Variants in FAM117B observed in about 807,000 individuals in gnomAD.
FAM117B encodes protein FAM117B.
FAM117B carries 22 observed loss-of-function variants against 52.8 expected under a neutral mutation model. The ratio of observed to expected loss-of-function variants is 0.42; its 90% CI spans 0.30 to 0.59. The LOEUF (loss-of-function observed/expected upper bound fraction) is 0.59, where lower values mean the gene tolerates loss of function less well. Ranked by LOEUF, FAM117B falls within the 20% of genes least tolerant of loss-of-function variation. The pLI, the probability that FAM117B is intolerant of heterozygous loss-of-function variation, is 0.22. For missense variants in FAM117B, 678 were observed against 802.6 expected (o/e 0.84, Z 1.88); for synonymous variants, 309 against 324.1 (o/e 0.95, Z 0.50).
intron 7 of FAM117B, 86 bp from the exon 8 acceptor site, chr2:202,765,360 A>G: frequency 1.5e-6 from 2 of 1,298,672 alleles, no homozygotes; most frequent in South Asian, 1.5e-5. Context: ...TTTAAAAAAT[A>G]AAAGAGCTTG....
rs1689830686 is a variant in FAM117B at position 202,644,362 on chromosome 2, A to C, written c.601+8574A>C. Among the ~76,000 whole-genome samples, 5 of 152,264 alleles carry C rather than the reference A, an allele frequency of 3.3e-5. No homozygotes were observed. In the South Asian group the frequency reaches 8.3e-4, roughly 25 times the overall value. On this transcript the variant is annotated intron_variant, in intron 1 of 7. Transcript: ENST00000392238. Reference sequence around the variant, plus strand: ...TGTACCTATCACAAATTTATCCCTAAGAAAGTTTTGATAATGGAAACTTCC... The same window carrying C: ...TGTACCTATCACAAATTTATCCCTACGAAAGTTTTGATAATGGAAACTTCC...
intron 2 of FAM117B, among the ~76,000 whole-genome samples, chr2:202,711,011 C>G (rs2105782107): frequency 6.6e-6 from 1 of 152,214 alleles, no homozygotes; most frequent in East Asian, 1.9e-4. Context: ...CAGTTTTGCA[C>G]TAAACATGGG....
chr2:202,657,114 A>G (rs1690066972), intron 1 of FAM117B, among the ~76,000 whole-genome samples: 1 of 151,982 alleles, frequency 6.6e-6, no homozygotes, highest in African/African-American at 2.4e-5. Flanking sequence ...TTGAGATAAC[A>G]GTTTCCTCTG....
intron 4 of FAM117B, among the ~76,000 whole-genome samples, chr2:202,752,147 A>G (rs1216210447): frequency 6.6e-6 from 1 of 152,206 alleles, no homozygotes; most frequent in African/African-American, 2.4e-5. Flanking sequence ...AAAATACATA[A>G]TAGGGAAAAT....
intron 1 of FAM117B, among the ~76,000 whole-genome samples, chr2:202,682,812 A>T (rs1052814281): frequency 4.6e-5 from 7 of 152,214 alleles, no homozygotes; most frequent in African/African-American, 1.7e-4. Context: ...TGGGTCAAAG[A>T]AGAAGTTGCA....
chr2:202,750,994 G>T (rs1691712521), intron 4 of FAM117B, among the ~76,000 whole-genome samples: 1 of 152,052 alleles, frequency 6.6e-6, no homozygotes, highest in Non-Finnish European at 1.5e-5. Flanking sequence ...GAGAAATTAG[G>T]TGTGTAGGTT....
chr2:202,714,438 C>A (rs1574565986), intron 2 of FAM117B, among the ~76,000 whole-genome samples: 2 of 151,716 alleles, frequency 1.3e-5, no homozygotes, highest in Non-Finnish European at 1.5e-5. Context: ...TATTGGGGTC[C>A]ATCTCTATTT....
In FAM117B at chr2:202,710,332, T is replaced by A. The variant is rs562201325; in HGVS notation, c.753+14300T>A. Among the ~76,000 whole-genome samples, 11 of 152,316 alleles carry A rather than the reference T, an allele frequency of 7.2e-5. No individual in the cohort carries two copies. The South Asian group carries it at 2.3e-3, about 32-fold the overall frequency. ...TTTTAGTTTTCTGTATATAAGTCTTTCACTTCCTTAGTTATGATTATTCTT... is the reference window on the plus strand; with the variant it reads ...TTTTAGTTTTCTGTATATAAGTCTTACACTTCCTTAGTTATGATTATTCTT... On this transcript the variant is annotated intron_variant, in intron 2 of 7. Transcript: ENST00000392238.
intron 2 of FAM117B, among the ~76,000 whole-genome samples, chr2:202,699,426 CAAAAAAAAAAAAAAAAAAAAAAGAAA>C (rs1205403272): frequency 4.0e-3 from 72 of 17,906 alleles, no homozygotes; most frequent in African/African-American, 0.011. Flanking sequence ...GACCCCATCT[CAAAAAAAAAAAAAAAAAAAAAAGAAA>C]AAAAAAAAAA....
In FAM117B at chr2:202,635,055, C is replaced by T; in HGVS notation, c.-133C>T. 1 of 1,200,648 alleles carries T rather than the reference C, an allele frequency of 8.3e-7. No individual in the cohort carries two copies. Among genetic ancestry groups the T allele is most frequent in the East Asian group, 3.2e-5 (1 of 31,596 alleles). The allele number at this position is 1,200,648 out of a possible 1,614,324, so 74.4% of individuals were successfully genotyped here. A position where few individuals can be genotyped will look rare whatever the true frequency, so the allele number is the denominator to read the frequency against. ...TTGCTGCCTGCCCCGGCCCGGTCTC[C>T]CCCTGCACCCCGGAGTCCGGCTTCG... On this transcript the variant is annotated 5_prime_UTR_variant, in exon 1 of 8. Transcript: ENST00000392238.
chr2:202,713,701 T>G (rs1194901715), intron 2 of FAM117B, among the ~76,000 whole-genome samples: 1 of 152,172 alleles, frequency 6.6e-6, no homozygotes, highest in Non-Finnish European at 1.5e-5. Flanking sequence ...GATTTTGGTA[T>G]GTTGTGTTTC....
At position 202,726,343 on chromosome 2, in the gene FAM117B, G is replaced by A. The variant is rs770074886; in HGVS notation, c.940G>A (p.Ala314Thr). The change falls in exon 4 of 8, where the codon GCA becomes ACA. Residue 314 changes from alanine to threonine, a missense_variant. By Grantham distance (58) the Ala-to-Thr change is moderately conservative (BLOSUM62 0). Around this residue, in one of 3 missense-constraint regions of FAM117B, gnomAD observed 583 missense variants for 644.8 expected, o/e 0.90. Coordinates refer to ENST00000392238, the MANE Select transcript of FAM117B (RefSeq NM_173511.4). ...ACAGTCTCCATTTCATGGCAACCAT[G>A]CAGCTATTAACCAGTGTCAGGTAAG... ...ERQSPFHGNH[A>T]AINQCQAPVP... The A allele has an allele frequency of 6.2e-7, 1 of 1,613,290 alleles. No individual in the cohort carries two copies. Among genetic ancestry groups the A allele is most frequent in the Admixed American group, 1.7e-5 (1 of 59,864 alleles).
chr2:202,730,647 G>A (rs62194152), intron 4 of FAM117B, among the ~76,000 whole-genome samples: 27,799 of 152,116 alleles, frequency 0.18, 3,202 homozygotes, highest in South Asian at 0.38. Flanking sequence ...TCCAGTTGGG[G>A]GAGATAGAGT....
chr2:202,652,052 TA>T (rs1227648534), intron 1 of FAM117B, among the ~76,000 whole-genome samples: 12,179 of 98,604 alleles, frequency 0.12, 1,624 homozygotes, highest in African/African-American at 0.35. Flanking sequence ...AAACTCTGTC[TA>T]AAAAAAAAAA....
chr2:202,761,670 AC>A (rs1217570131), intron 7 of FAM117B, among the ~76,000 whole-genome samples: 1 of 151,968 alleles, frequency 6.6e-6, no homozygotes, highest in Non-Finnish European at 1.5e-5. Context: ...GGGATTACAG[AC>A]ACCCACAACC....
intron 4 of FAM117B, among the ~76,000 whole-genome samples, chr2:202,751,019 A>G (rs190076107): frequency 2.0e-5 from 3 of 152,322 alleles, no homozygotes; most frequent in East Asian, 3.9e-4. Flanking sequence ...GAGAGAAATT[A>G]TAGAATTTAT....
In FAM117B at chr2:202,759,374, C is replaced by T. The variant is rs377699778; in HGVS notation, c.1451+21C>T. On this transcript the variant is annotated intron_variant, in intron 7 of 7. Transcript: ENST00000392238. The stretch of plus-strand genomic sequence containing the variant: ...TGCTCGTAAGTATCCCTTCCACCAT[C>T]CCCACAAAAAAACTATTATGAGCTT... 8.8e-5 allele frequency: 140 copies of T among 1,588,028 alleles called. No individual in the cohort carries two copies. In the African/African-American group the frequency reaches 1.7e-3, roughly 19 times the overall value.
intron 2 of FAM117B, among the ~76,000 whole-genome samples, chr2:202,720,776 C>T (rs1329591167): frequency 3.3e-5 from 5 of 152,034 alleles, no homozygotes; most frequent in Admixed American, 3.3e-4. Context: ...ATGAATTATT[C>T]ACTTTGGAAA....
At chr2:202,636,061 T>G (rs192611509) in intron 1 of FAM117B, among the ~76,000 whole-genome samples, 1 of 147,618 alleles carries the variant, frequency 6.8e-6, no homozygotes, top group Non-Finnish European at 1.5e-5. Flanking sequence ...AACCTTGGGC[T>G]TGAGCTGATG....
Sources: gnomAD v4.1 joint callset for allele counts (sites outside exome capture counted in the v4.1 genomes callset) on GRCh38, gnomAD v4.1.1 for gene constraint, gnomAD v4.1.1 regional missense constraint, MANE v1.5 for transcripts, NCBI Gene and HGNC (gene_info 2026-07-23, HGNC 2026-07-21) for gene names.